The following MICAL3 variants were observed in gnomAD, a reference collection of about 807,000 sequenced individuals.
MICAL3 encodes the protein [F-actin]-monooxygenase MICAL3.
Under a neutral mutation model 207.4 loss-of-function variants are expected in MICAL3, and 62 were observed. The observed-to-expected ratio is 0.30, with a 90% CI of 0.24 to 0.37. The LOEUF is 0.37. Ranked by LOEUF, MICAL3 falls within the 10% of genes least tolerant of loss-of-function variation. The pLI is 1.00. For synonymous variants in MICAL3, 1,077 were observed against 1,069.3 expected, an observed-to-expected ratio of 1.01 and a Z score of -0.14; for missense variants, 2,368 against 2,635.6, an observed-to-expected ratio of 0.90 and a Z score of 2.22.
chr22:17,942,471 T>C (rs1473544683), intron 1 of MICAL3, among the ~76,000 whole-genome samples: 3 of 152,192 alleles, frequency 2.0e-5, no homozygotes, highest in African/African-American at 7.2e-5. Flanking sequence ...CCAAGCTTTC[T>C]AGAAACAGCT....
In MICAL3 at chr22:17,929,045, G is replaced by A. The variant is rs377117138; in HGVS notation, c.-74-22159C>T. Among the ~76,000 whole-genome samples, 699 of 150,828 alleles carry A rather than the reference G, an allele frequency of 4.6e-3. 4 individuals carry two copies. Among genetic ancestry groups the A allele is most frequent in the Non-Finnish European group, 7.2e-3 (491 of 67,868 alleles). On this transcript the variant is annotated intron_variant, in intron 1 of 31. Transcript: ENST00000441493. ...CCTGACCTTGTGATCTGCCCGCCTC[G>A]GCCTCCCAAAGTGCTGGGATTACAA...
In MICAL3 at chr22:17,962,778, T is replaced by G. The variant is rs5992924; in HGVS notation, c.-74-55892A>C. 4.8e-3 allele frequency among the ~76,000 whole-genome samples: 727 copies of G among 150,966 alleles called. 4 individuals carry two copies. The highest frequency in any genetic ancestry group is 0.017 in the African/African-American group (692 of 41,132). On this transcript the variant is annotated intron_variant, in intron 1 of 31. Coordinates refer to ENST00000441493, the MANE Select transcript of MICAL3 (RefSeq NM_015241.3). ...AAAACCAGCTGCTGGTGTTACTCCC[T>G]TCTTATCTGTATCCTGTGAAAGGGC...
chr22:17,893,576 G>A lies in MICAL3; in HGVS notation c.1546+232C>T, dbSNP rs541439449. Among the ~76,000 whole-genome samples the A allele has an allele frequency of 2.0e-4, 31 of 152,232 alleles. No individual in the cohort carries two copies. In the South Asian group the frequency reaches 3.5e-3, roughly 17 times the overall value. On this transcript the variant is annotated intron_variant, in intron 11 of 31. Coordinates refer to ENST00000441493, the MANE Select transcript of MICAL3 (RefSeq NM_015241.3). ...GGTGGAGGCCTGTCTCGTGCACTGC[G>A]GGATGTTCAGCAGCATCCCTGGCTC...
At chr22:17,880,044 T>C (rs1460033255) in intron 16 of MICAL3, among the ~76,000 whole-genome samples, 1 of 152,144 alleles carries the variant, frequency 6.6e-6, no homozygotes, top group Non-Finnish European at 1.5e-5. Context: ...CTCGCATTAC[T>C]CTCTGGCTGG....
At chr22:17,834,708 C>G (rs1191929128) in intron 20 of MICAL3, among the ~76,000 whole-genome samples, 3 of 152,200 alleles carry the variant, frequency 2.0e-5, no homozygotes, top group Admixed American at 6.5e-5. Flanking sequence ...ACCTAAGAAT[C>G]TGGGCCACGG....
chr22:17,833,507 G>A (rs977026557), intron 20 of MICAL3, among the ~76,000 whole-genome samples: 4 of 152,218 alleles, frequency 2.6e-5, no homozygotes, highest in Admixed American at 6.5e-5. Flanking sequence ...AATACACCAC[G>A]ATGAGCACTG....
intron 28 of MICAL3, among the ~76,000 whole-genome samples, chr22:17,809,887 TTTTTTA>T (rs1569074050): frequency 6.6e-6 from 1 of 151,956 alleles, no homozygotes; most frequent in Non-Finnish European, 1.5e-5. Flanking sequence ...CTTCCTTTTT[TTTTTTA>T]TTTTTATTTT....
chr22:17,886,988 C>CAAAAGAAAAAA (rs1929949058), intron 15 of MICAL3, among the ~76,000 whole-genome samples, 182 bp downstream of exon 15: 1 of 41,340 alleles, frequency 2.4e-5, no homozygotes. Flanking sequence ...ACTCTTGTCT[C>CAAAAGAAAAAA]AAAAAAAAAA....
chr22:17,962,457 T>C (rs1934954807), intron 1 of MICAL3, among the ~76,000 whole-genome samples: 1 of 152,088 alleles, frequency 6.6e-6, no homozygotes, highest in Non-Finnish European at 1.5e-5. Flanking sequence ...GGAGAGCTGG[T>C]GTGGGACCTG....
At chr22:17,835,994 A>G (rs1055492653) in intron 20 of MICAL3, among the ~76,000 whole-genome samples, 1 of 152,246 alleles carries the variant, frequency 6.6e-6, no homozygotes, top group Non-Finnish European at 1.5e-5. Flanking sequence ...AGCCTCCATC[A>G]GAAGGTGCTG....
chr22:18,019,887 C>A (rs1387772010), intron 1 of MICAL3: 1 of 138,526 alleles, frequency 7.2e-6, no homozygotes, highest in African/African-American at 2.8e-5. Context: ...TCTCGGCTCA[C>A]TGCAGGCTCC....
At chr22:17,973,265 TG>T (rs1475351770) in intron 1 of MICAL3, among the ~76,000 whole-genome samples, 3 of 151,774 alleles carry the variant, frequency 2.0e-5, no homozygotes, top group Admixed American at 2.0e-4. Flanking sequence ...AAAACAAAGG[TG>T]GGGGGAGCCT....
intron 1 of MICAL3, among the ~76,000 whole-genome samples, chr22:17,977,054 C>T (rs1376122800): frequency 6.6e-6 from 1 of 152,072 alleles, no homozygotes; most frequent in Non-Finnish European, 1.5e-5. Context: ...CCGCCCACCT[C>T]CGCCTCCCAA....
At chr22:17,956,523 G>C (rs1410103941) in intron 1 of MICAL3, among the ~76,000 whole-genome samples, 1 of 152,164 alleles carries the variant, frequency 6.6e-6, no homozygotes, top group Non-Finnish European at 1.5e-5. Context: ...TACAAAATTA[G>C]CCAGGTGTGG....
At position 18,024,554 on chromosome 22, in the gene MICAL3, G is replaced by A. The variant is rs1006946577; in HGVS notation, c.-348C>T. ...GACTCCGCCGGGGCTGCAGGAGCGC[G>A]CGCTGCTGGCTGGGCGGGCTGCGGC... On this transcript the variant is annotated 5_prime_UTR_variant, in exon 1 of 32. Coordinates refer to ENST00000441493, the MANE Select transcript of MICAL3 (RefSeq NM_015241.3). The A allele has an allele frequency of 3.3e-5, 5 of 151,742 alleles. No individual in the cohort carries two copies. The highest frequency in any genetic ancestry group is 7.4e-5 in the Non-Finnish European group (5 of 67,906). 9.4% of individuals were successfully genotyped at this position (151,742 alleles called of 1,614,324 possible).
At chr22:17,838,915 A>G (rs930346757) in intron 20 of MICAL3, among the ~76,000 whole-genome samples, 1 of 149,740 alleles carries the variant, frequency 6.7e-6, no homozygotes, top group African/African-American at 2.5e-5. Flanking sequence ...ACGGCCACCC[A>G]GGGAAGTAAG....
chr22:17,978,984 T>C (rs1161481144), intron 1 of MICAL3, among the ~76,000 whole-genome samples: 3 of 150,694 alleles, frequency 2.0e-5, no homozygotes, highest in African/African-American at 7.3e-5. Flanking sequence ...GAGACCAGCC[T>C]GGGAAACATG....
chr22:17,941,623 C>T (rs566646599), intron 1 of MICAL3, among the ~76,000 whole-genome samples: 3 of 152,324 alleles, frequency 2.0e-5, no homozygotes, highest in African/African-American at 7.2e-5. Context: ...AAGTAACTGC[C>T]ACATGCTTTC....
At position 17,901,438 on chromosome 22, in the gene MICAL3, G is replaced by C. The variant is rs1369152349; in HGVS notation, c.691+440C>G. 2.6e-5 allele frequency among the ~76,000 whole-genome samples: 4 copies of C among 152,116 alleles called. No individual in the cohort carries two copies. In the East Asian group the frequency reaches 7.7e-4, roughly 29 times the overall value. On this transcript the variant is annotated intron_variant, in intron 5 of 31. Coordinates refer to ENST00000441493, the MANE Select transcript of MICAL3 (RefSeq NM_015241.3). ...CTGTAATCCCAACACCTTGGGAAAG[G>C]CGAGCAGAGTGCTTGAGCCAAGGAG...
Sources: allele counts gnomAD v4.1 joint callset (sites outside exome capture counted in the v4.1 genomes callset), GRCh38; gene constraint gnomAD v4.1.1; transcripts MANE v1.5; gene names NCBI Gene and HGNC (gene_info 2026-07-23, HGNC 2026-07-21).